NFXL1: variants seen among roughly 807,000 people sequenced by gnomAD.
The protein encoded by NFXL1 is NF-X1-type zinc finger protein NFXL1.
NFXL1 carries 66 observed loss-of-function variants against 123.3 expected under a neutral mutation model. The ratio of observed to expected loss-of-function variants is 0.54; its 90% CI spans 0.44 to 0.66. The LOEUF (loss-of-function observed/expected upper bound fraction) is 0.66, where lower values mean the gene tolerates loss of function less well. Among genes scored for constraint, NFXL1 ranks in the 30% least tolerant of loss-of-function variants. The pLI is 0.00. For synonymous variants in NFXL1, 346 were observed against 360.8 expected, an observed-to-expected ratio of 0.96 and a Z score of 0.46; for missense variants, 944 against 1,125.6, an observed-to-expected ratio of 0.84 and a Z score of 2.31.
rs779155747 is a variant in NFXL1 at position 47,899,492 on chromosome 4, T to A, written c.704A>T (p.Tyr235Phe). ...RSETPSRYYC[Y>F]CGKVEDPPLD... ...AGGTGGATCTTCTACTTTTCCACAA[T>A]AGCAATAGTACCTACTAGGTGTTTC... is the stretch of plus-strand genomic sequence containing the variant. The change falls in exon 6 of 23, where the codon TAT becomes TTT. Residue 235 changes from tyrosine (Y) to phenylalanine (F), a missense_variant. Around this residue, in one of 4 missense-constraint regions of NFXL1, gnomAD observed 296 missense variants for 395.1 expected, o/e 0.75. Coordinates refer to ENST00000507489, the MANE Select transcript of NFXL1 (RefSeq NM_001278624.2). 6.8e-6 allele frequency: 11 copies of A among 1,612,578 alleles called. No homozygotes were observed. The highest frequency in any genetic ancestry group is 5.0e-5 in the Admixed American group (3 of 59,976).
intron 12 of NFXL1, 149 bp downstream of exon 12, chr4:47,890,463 AC>A (rs1210556344): frequency 1.8e-6 from 1 of 569,494 alleles, no homozygotes; most frequent in Non-Finnish European, 3.1e-6. Context: ...ACACTGGCAA[AC>A]TGCCTTACCT....
intron 19 of NFXL1, among the ~76,000 whole-genome samples, chr4:47,855,405 G>C (rs1048884270): frequency 1.3e-5 from 2 of 151,320 alleles, no homozygotes; most frequent in Admixed American, 1.3e-4. Flanking sequence ...CATTCCAACA[G>C]TACATCTTAC....
chr4:47,848,270 C>T lies in NFXL1; in HGVS notation c.2629G>A (p.Val877Met). The change falls in exon 23 of 23, where the codon GTG (valine) becomes ATG (methionine). Residue 877 changes from valine to methionine, a missense_variant. Transcript: ENST00000507489. ...TGCCATAGTGATAGCTCAACTGCCACTTCATCTCTTTTCCTGTTCTTCTTC... is the reference window on the plus strand; with the variant it reads ...TGCCATAGTGATAGCTCAACTGCCATTTCATCTCTTTTCCTGTTCTTCTTC... The part of the protein sequence containing the change: ...RRKKNRKRDE[V>M]AVELSLWQKH... The T allele has an allele frequency of 6.2e-7, 1 of 1,612,672 alleles. No individual in the cohort carries two copies. The highest frequency in any genetic ancestry group is 1.7e-5 in the Admixed American group (1 of 59,992).
At chr4:47,890,765 C>T (rs1736719226) in intron 11 of NFXL1, 62 bp from the exon 12 acceptor site, 1 of 866,850 alleles carries the variant, frequency 1.2e-6, no homozygotes, top group East Asian at 2.5e-5. Flanking sequence ...ATAGGCATGT[C>T]ATTACTAGTT....
chr4:47,857,324 T>G (rs4695291), intron 19 of NFXL1, among the ~76,000 whole-genome samples: 5,945 of 152,290 alleles, frequency 0.039, 392 homozygotes, highest in African/African-American at 0.14. Context: ...GTCTCTGATA[T>G]CTATCATTTA....
intron 19 of NFXL1, among the ~76,000 whole-genome samples, chr4:47,856,644 A>G (rs1734432512): frequency 6.6e-6 from 1 of 152,174 alleles, no homozygotes; most frequent in South Asian, 2.1e-4. Flanking sequence ...GTGTGTGATT[A>G]GGTTTTTTGT....
At position 47,852,850 on chromosome 4, in the gene NFXL1, T is replaced by C. The variant is rs79232638; in HGVS notation, c.2422-908A>G. On this transcript the variant is annotated intron_variant, in intron 20 of 22. Transcript: ENST00000507489. ...CAGTTTCTCCTGTCTCACCAGACCCTCAGACTCTAGTTTTTTGTTCAAATC... is the reference window on the plus strand; with the variant it reads ...CAGTTTCTCCTGTCTCACCAGACCCCCAGACTCTAGTTTTTTGTTCAAATC... 6.4e-4 allele frequency among the ~76,000 whole-genome samples: 98 copies of C among 152,244 alleles called. 1 individual carries two copies. The East Asian group carries it at 0.017, about 26-fold the overall frequency.
chr4:47,871,992 T>G (rs1009924978), intron 18 of NFXL1, among the ~76,000 whole-genome samples: 3 of 152,184 alleles, frequency 2.0e-5, no homozygotes, highest in African/African-American at 7.2e-5. Flanking sequence ...TAAATTATGT[T>G]ATATCATTAT....
intron 11 of NFXL1, among the ~76,000 whole-genome samples, chr4:47,893,300 A>T (rs1736888994): frequency 6.6e-6 from 1 of 152,080 alleles, no homozygotes; most frequent in Non-Finnish European, 1.5e-5. Flanking sequence ...AAAAAACAAA[A>T]ATTTCACAAA....
intron 18 of NFXL1, among the ~76,000 whole-genome samples, chr4:47,867,290 A>G (rs1053587429): frequency 3.3e-5 from 5 of 152,116 alleles, no homozygotes; most frequent in African/African-American, 1.2e-4. Flanking sequence ...ACTAAATTAC[A>G]AGGTGCTCAT....
intron 18 of NFXL1, among the ~76,000 whole-genome samples, chr4:47,871,306 A>G (rs1479054487): frequency 2.0e-5 from 3 of 150,386 alleles, no homozygotes; most frequent in Non-Finnish European, 4.4e-5. Flanking sequence ...TGAGCAGATT[A>G]TGCCACTGCA....
chr4:47,863,685 AAAAAT>A (rs980240137), intron 18 of NFXL1, among the ~76,000 whole-genome samples: 70 of 152,342 alleles, frequency 4.6e-4, no homozygotes, highest in African/African-American at 1.6e-3. Context: ...CTGTCTCAAA[AAAAAT>A]AAAATAAAAT....
chr4:47,894,536 A>T (rs1736966378), intron 10 of NFXL1, among the ~76,000 whole-genome samples: 1 of 136,060 alleles, frequency 7.3e-6, no homozygotes, highest in Non-Finnish European at 1.5e-5. Context: ...GATATTGAAT[A>T]GTTAAAAAAA....
intron 8 of NFXL1, 126 bp from the exon 9 acceptor site, chr4:47,898,207 CT>C (rs767679722): frequency 6.6e-5 from 40 of 607,776 alleles, no homozygotes; most frequent in Non-Finnish European, 1.2e-4. Flanking sequence ...TATTATTTTA[CT>C]TTATATTTTA....
chr4:47,891,034 G>T (rs1276371004), intron 11 of NFXL1, among the ~76,000 whole-genome samples: 2 of 151,472 alleles, frequency 1.3e-5, no homozygotes, highest in Non-Finnish European at 2.9e-5. Flanking sequence ...AATTAGTCTG[G>T]TTTTTAAAAA....
intron 18 of NFXL1, among the ~76,000 whole-genome samples, chr4:47,864,148 TCACCTCTGAACTTAAA>T (rs528302902): frequency 6.6e-4 from 101 of 152,312 alleles, no homozygotes; most frequent in African/African-American, 2.4e-3. Context: ...AGTATAATGT[TCACCTCTGAACTTAAA>T]GAGTTAATAT....
chr4:47,902,808 T>G (rs1294084208), intron 5 of NFXL1, among the ~76,000 whole-genome samples: 1 of 152,194 alleles, frequency 6.6e-6, no homozygotes, highest in Non-Finnish European at 1.5e-5. Flanking sequence ...ACATGGATAT[T>G]GAAACCACCA....
intron 19 of NFXL1, among the ~76,000 whole-genome samples, chr4:47,862,200 T>C (rs1734806914): frequency 6.6e-6 from 1 of 152,184 alleles, no homozygotes; most frequent in Non-Finnish European, 1.5e-5. Flanking sequence ...TTTGCACAAT[T>C]TTTTCTAACT....
At chr4:47,897,450 A>G (rs1737151487) in intron 9 of NFXL1, among the ~76,000 whole-genome samples, 1 of 152,156 alleles carries the variant, frequency 6.6e-6, no homozygotes, top group African/African-American at 2.4e-5. Context: ...GTGCCATCCT[A>G]CTATGCCTTT....
Sources: gnomAD v4.1 joint callset for allele counts (sites outside exome capture counted in the v4.1 genomes callset) on GRCh38, gnomAD v4.1.1 for gene constraint, gnomAD v4.1.1 regional missense constraint, MANE v1.5 for transcripts, NCBI Gene and HGNC (gene_info 2026-07-23, HGNC 2026-07-21) for gene names.